The following LEF1 variants were observed in gnomAD, a reference collection of about 807,000 sequenced individuals.
LEF1 encodes the protein lymphoid enhancer-binding factor 1.
A neutral mutation model predicts 51.2 loss-of-function variants in LEF1; 14 were observed. The observed-to-expected ratio is 0.27, with a 90% CI of 0.18 to 0.43. LEF1 has a LOEUF of 0.43. Among genes scored for constraint, LEF1 ranks in the 20% least tolerant of loss-of-function variants. The pLI, the probability that LEF1 is intolerant of heterozygous loss-of-function variation, is 1.00. For synonymous variants in LEF1, 185 were observed against 183.2 expected (o/e 1.01, Z -0.08); for missense variants, 386 against 512.0 (o/e 0.75, Z 2.37).
At chr4:108,153,367 C>T (rs1433732195) in intron 3 of LEF1, among the ~76,000 whole-genome samples, 6 of 152,202 alleles carry the variant, frequency 3.9e-5, no homozygotes, top group African/African-American at 1.4e-4. Context: ...GTTCAAGTCA[C>T]GTTCTCCAAT....
At chr4:108,088,818 ATATTG>A (rs910810407) in intron 4 of LEF1, among the ~76,000 whole-genome samples, 1 of 152,206 alleles carries the variant, frequency 6.6e-6, no homozygotes, top group African/African-American at 2.4e-5. Context: ...AAATAAATGA[ATATTG>A]TAGAGTACTG....
At position 108,167,892 on chromosome 4, in the gene LEF1, G is replaced by C; in HGVS notation, c.-125C>G. ...GAAGGGTTCGTGCAGCAGGACAGCG[G>C]GCGGAAGCGGGGCGGGCGAGCGCGG... On this transcript the variant is annotated 5_prime_UTR_variant, in exon 1 of 12. Transcript: ENST00000265165. The surrounding 1 kb of genome is among the most constrained non-coding windows in gnomAD (Gnocchi z 5.7). 1 of 696,966 alleles carries C rather than the reference G, an allele frequency of 1.4e-6. No individual in the cohort carries two copies. Among genetic ancestry groups the C allele is most frequent in the Non-Finnish European group, 2.1e-6 (1 of 477,758 alleles). 43.2% of individuals were successfully genotyped at this position (696,966 alleles called of 1,614,324 possible).
chr4:108,059,990 G>A lies in LEF1; in HGVS notation c.*6+3633C>T, dbSNP rs549217458. Among the ~76,000 whole-genome samples the A allele has an allele frequency of 1.7e-3, 256 of 152,298 alleles. 1 individual carries two copies. Among genetic ancestry groups the A allele is most frequent in the African/African-American group, 5.9e-3 (245 of 41,566 alleles). On this transcript the variant is annotated intron_variant, in intron 11 of 11. Coordinates refer to ENST00000265165, the MANE Select transcript of LEF1 (RefSeq NM_016269.5). ...ATGAGCTACCATACCCAGCCTGGAG[G>A]ATTGGTTCTAATCAAGTATTTTACT...
At chr4:108,053,182 T>C (rs1011134493) in intron 11 of LEF1, among the ~76,000 whole-genome samples, 1 of 152,212 alleles carries the variant, frequency 6.6e-6, no homozygotes, top group Non-Finnish European at 1.5e-5. Flanking sequence ...TATCACGCTC[T>C]GTTTGAAGAA....
At chr4:108,078,979 A>G (rs1479215351) in intron 7 of LEF1, among the ~76,000 whole-genome samples, 1 of 152,194 alleles carries the variant, frequency 6.6e-6, no homozygotes, top group Non-Finnish European at 1.5e-5. Flanking sequence ...TCATCTCTTC[A>G]GAGTAAATTA....
chr4:108,085,049 G>A (rs971035311), intron 4 of LEF1, among the ~76,000 whole-genome samples: 2 of 152,232 alleles, frequency 1.3e-5, no homozygotes, highest in East Asian at 1.9e-4. Context: ...CTTGAAAATC[G>A]TAGCGGTCAC....
At chr4:108,093,200 A>C (rs1740163859) in intron 3 of LEF1, among the ~76,000 whole-genome samples, 1 of 152,210 alleles carries the variant, frequency 6.6e-6, no homozygotes, top group Admixed American at 6.5e-5. Flanking sequence ...TGCTCACTAC[A>C]CAACTCCAGT....
chr4:108,155,188 C>T (rs1013169449), intron 3 of LEF1, among the ~76,000 whole-genome samples: 1 of 152,116 alleles, frequency 6.6e-6, no homozygotes, highest in Non-Finnish European at 1.5e-5. Flanking sequence ...TACCTCAATT[C>T]AACTCCATTC....
chr4:108,166,270 A>G, intron 1 of LEF1: 2 of 1,535,792 alleles, frequency 1.3e-6, no homozygotes, highest in Non-Finnish European at 1.7e-6. Context: ...ATTCGTACTC[A>G]CCTCTGCCAT....
At chr4:108,092,049 A>T (rs1335770868) in intron 3 of LEF1, among the ~76,000 whole-genome samples, 1 of 152,226 alleles carries the variant, frequency 6.6e-6, no homozygotes, top group Non-Finnish European at 1.5e-5. Flanking sequence ...TTGCATTAGC[A>T]GGCAGCATCT....
intron 3 of LEF1, among the ~76,000 whole-genome samples, chr4:108,090,717 A>C (rs1413725208): frequency 1.3e-5 from 2 of 152,122 alleles, no homozygotes; most frequent in African/African-American, 4.8e-5. Flanking sequence ...TGAACATTAA[A>C]ATTCTTCCCT....
At chr4:108,150,996 A>G (rs1427857902) in intron 3 of LEF1, among the ~76,000 whole-genome samples, 1 of 152,216 alleles carries the variant, frequency 6.6e-6, no homozygotes, top group Non-Finnish European at 1.5e-5. Context: ...TTGTTGACTT[A>G]CATCAAATAA....
At chr4:108,139,903 G>T (rs1452547940) in intron 3 of LEF1, among the ~76,000 whole-genome samples, 1 of 151,814 alleles carries the variant, frequency 6.6e-6, no homozygotes, top group Non-Finnish European at 1.5e-5. Context: ...AAAAATATCT[G>T]ACATTACCCA....
At chr4:108,087,001 G>C (rs1739696201) in intron 4 of LEF1, among the ~76,000 whole-genome samples, 1 of 152,070 alleles carries the variant, frequency 6.6e-6, no homozygotes, top group Admixed American at 6.6e-5. Context: ...GTTTTTTTCT[G>C]GCTGAGGCGG....
intron 3 of LEF1, among the ~76,000 whole-genome samples, chr4:108,131,264 G>A (rs1040835876): frequency 2.6e-5 from 4 of 151,774 alleles, no homozygotes; most frequent in Middle Eastern, 3.2e-3. Context: ...GCAAGGACCC[G>A]TTTCTATTTA....
In LEF1 at chr4:108,137,021, G is replaced by A. The variant is rs528179649; in HGVS notation, c.414+26547C>T. Among the ~76,000 whole-genome samples, 7 of 152,188 alleles carry A rather than the reference G, an allele frequency of 4.6e-5. No individual in the cohort carries two copies. The South Asian group carries it at 1.5e-3, about 32-fold the overall frequency. On this transcript the variant is annotated intron_variant, in intron 3 of 11. Coordinates refer to ENST00000265165, the MANE Select transcript of LEF1 (RefSeq NM_016269.5). ...AAAGTCAACTTTTTCTTTATTGTAAGTACTTTAAAATTGACTTTAATGTTA... is the reference window on the plus strand; with the variant it reads ...AAAGTCAACTTTTTCTTTATTGTAAATACTTTAAAATTGACTTTAATGTTA...
intron 3 of LEF1, among the ~76,000 whole-genome samples, chr4:108,130,091 T>C (rs1302030979): frequency 6.6e-6 from 1 of 152,120 alleles, no homozygotes; most frequent in Non-Finnish European, 1.5e-5. Context: ...TAGAGGAAAA[T>C]ACTACTTCAT....
At chr4:108,067,718 C>G (rs1738173156) in intron 9 of LEF1, among the ~76,000 whole-genome samples, 1 of 151,826 alleles carries the variant, frequency 6.6e-6, no homozygotes, top group Non-Finnish European at 1.5e-5. Flanking sequence ...TTAGTAGATA[C>G]AGGATTTCAC....
At chr4:108,101,982 C>T (rs897727316) in intron 3 of LEF1, among the ~76,000 whole-genome samples, 3 of 151,612 alleles carry the variant, frequency 2.0e-5, no homozygotes, top group Non-Finnish European at 4.4e-5. Context: ...ATCACTTGAA[C>T]CCATGAGGCA....
Sources: allele counts gnomAD v4.1 joint callset (sites outside exome capture counted in the v4.1 genomes callset), GRCh38; gene constraint gnomAD v4.1.1; non-coding constraint Gnocchi (gnomAD v3.1); transcripts MANE v1.5; gene names NCBI Gene and HGNC (gene_info 2026-07-23, HGNC 2026-07-21).